QDPR: variants seen among roughly 807,000 people sequenced by gnomAD.
The protein encoded by QDPR is dihydropteridine reductase.
Under a neutral mutation model 31.7 loss-of-function variants are expected in QDPR, and 23 were observed. The ratio of observed to expected loss-of-function variants is 0.73; its 90% confidence interval spans 0.52 to 1.03. QDPR has a LOEUF of 1.03. QDPR is among the 50% of genes least tolerant of loss of function. QDPR has a pLI of 0.00. For synonymous variants in QDPR, 124 were observed against 124.7 expected (o/e 0.99, Z 0.03); for missense variants, 324 against 323.8 (o/e 1.00, Z 0.00).
At chr4:17,488,197 G>C (rs893488819) in intron 6 of QDPR, among the ~76,000 whole-genome samples, 1 of 151,988 alleles carries the variant, frequency 6.6e-6, no homozygotes, top group African/African-American at 2.4e-5. Flanking sequence ...GGAGATCAAG[G>C]CTAGGGTAAG....
chr4:17,511,901 C>T lies in QDPR; in HGVS notation c.105+49G>A, dbSNP rs752531943. 1.0e-4 allele frequency: 159 copies of T among 1,568,934 alleles called. 1 individual carries two copies. Among genetic ancestry groups the T allele is most frequent in the Middle Eastern group, 1.7e-4 (1 of 5,892 alleles). On this transcript the variant is annotated intron_variant, in intron 1 of 6. Transcript: ENST00000281243. ...CCCCCCGCCGGGTTCCACACGAAAG[C>T]CCCCGGCCACCCCCGCGGAGACCCA...
chr4:17,504,565 C>A, intron 2 of QDPR, 90 bp from the exon 3 acceptor site: 1 of 1,070,558 alleles, frequency 9.3e-7, no homozygotes, highest in South Asian at 1.3e-5. Context: ...TTTTTCTCTT[C>A]TTTTTAAGCC....
At chr4:17,511,895 C>T in intron 1 of QDPR, 55 bp downstream of exon 1, 1 of 1,567,054 alleles carries the variant, frequency 6.4e-7, no homozygotes, top group Non-Finnish European at 8.7e-7. Context: ...GGGTTCCACA[C>T]GAAAGCCCCC....
Position 17,509,303 on chromosome 4 carries a change from T to G in QDPR, c.166A>C (p.Met56Leu). Reference sequence around the variant, plus strand: ...GCCTGCTCAGTGAACGAGTCTGTCATTTTAACAATGATGCTAGCGCTGGCC... The same window carrying G: ...GCCTGCTCAGTGAACGAGTCTGTCAGTTTAACAATGATGCTAGCGCTGGCC... Reference protein sequence around the residue: ...EEASASIIVKMTDSFTEQADQ... With the variant: ...EEASASIIVKLTDSFTEQADQ... Residue 56 changes from methionine (M) to leucine (L), a missense_variant, in exon 2 of 7, where the codon ATG becomes CTG. Met to Leu is a conservative substitution (Grantham distance 15, BLOSUM62 2). Transcript: ENST00000281243. The G allele has an allele frequency of 1.2e-6, 2 of 1,614,144 alleles. No homozygotes were observed. The highest frequency in any genetic ancestry group is 1.7e-5 in the Admixed American group (1 of 60,032).
At chr4:17,490,476 G>T in intron 6 of QDPR, 186 bp downstream of exon 6, 1 of 605,430 alleles carries the variant, frequency 1.7e-6, no homozygotes. Flanking sequence ...CCACTGTGCT[G>T]CCTGTCTCCA....
chr4:17,504,273 G>T, intron 3 of QDPR, 106 bp downstream of exon 3: 1 of 893,260 alleles, frequency 1.1e-6, no homozygotes, highest in Non-Finnish European at 1.9e-6. Context: ...AAGATTCCGG[G>T]ATATACACAA....
chr4:17,502,829 C>G (rs1385131170), intron 3 of QDPR, among the ~76,000 whole-genome samples: 1 of 152,212 alleles, frequency 6.6e-6, no homozygotes, highest in African/African-American at 2.4e-5. Context: ...ACTTGGGAAA[C>G]AGGACATTCA....
chr4:17,488,317 A>C (rs1213552669), intron 6 of QDPR, among the ~76,000 whole-genome samples: 1 of 152,206 alleles, frequency 6.6e-6, no homozygotes, highest in East Asian at 1.9e-4. Flanking sequence ...AGAGAGAGAC[A>C]CATGCACAAT....
At position 17,487,255 on chromosome 4, in the gene QDPR, GT is replaced by G. The variant is rs746771741; in HGVS notation, c.630-20del. The G allele has an allele frequency of 5.0e-5, 75 of 1,506,136 alleles. No individual in the cohort carries two copies. Among genetic ancestry groups the G allele is most frequent in the Middle Eastern group, 1.8e-4 (1 of 5,564 alleles). 93.3% of individuals were successfully genotyped at this position (1,506,136 alleles called of 1,614,324 possible). A position where few individuals can be genotyped will look rare whatever the true frequency, so the allele number is the denominator to read the frequency against. On this transcript the variant is annotated intron_variant, in intron 6 of 6. Coordinates refer to ENST00000281243, the MANE Select transcript of QDPR (RefSeq NM_000320.3). ...GAAAGTTCTGGAACAGAAAATAAAA[GT>G]TTTTTTTATATTCTCAAAGCAAAAA... is the stretch of plus-strand genomic sequence containing the variant.
intron 4 of QDPR, among the ~76,000 whole-genome samples, chr4:17,499,677 C>T (rs149809597): frequency 3.9e-5 from 6 of 152,256 alleles, no homozygotes; most frequent in African/African-American, 7.2e-5. Context: ...CTCAGTGCTC[C>T]GGGAGGCCAA....
chr4:17,505,085 T>C (rs2518614), intron 2 of QDPR, among the ~76,000 whole-genome samples: 44,049 of 152,022 alleles, frequency 0.29, 6,959 homozygotes, highest in South Asian at 0.4. Flanking sequence ...TTTTAAAGCA[T>C]TGAAAATATA....
At chr4:17,506,383 A>G (rs2518611) in intron 2 of QDPR, among the ~76,000 whole-genome samples, 149,305 of 152,300 alleles carry the variant, frequency 0.98, 73,246 homozygotes, top group East Asian at 1. Flanking sequence ...CTCCTGCCTC[A>G]GCCTCCTGAA....
chr4:17,496,442 C>CAAAAAAAAAAAAAAAATAAAAAAAAA (rs1718357384), intron 4 of QDPR, among the ~76,000 whole-genome samples: 1 of 64,608 alleles, frequency 1.5e-5, no homozygotes, highest in Non-Finnish European at 2.8e-5. Flanking sequence ...AAAACTGTCT[C>CAAAAAAAAAAAAAAAATAAAAAAAAA]AAAAAAAAAA....
intron 1 of QDPR, among the ~76,000 whole-genome samples, chr4:17,510,903 G>C (rs1346966481): frequency 6.6e-6 from 1 of 152,158 alleles, no homozygotes; most frequent in Non-Finnish European, 1.5e-5. Context: ...GGAGTGGTGT[G>C]ACTGAATTCT....
At chr4:17,493,249 T>C (rs767310985) in intron 4 of QDPR, among the ~76,000 whole-genome samples, 1 of 151,950 alleles carries the variant, frequency 6.6e-6, no homozygotes, top group Non-Finnish European at 1.5e-5. Flanking sequence ...TCCAAGACCA[T>C]CCTGGGCAAC....
chr4:17,494,549 C>T (rs937937380), intron 4 of QDPR, among the ~76,000 whole-genome samples: 3 of 152,192 alleles, frequency 2.0e-5, no homozygotes, highest in Admixed American at 6.5e-5. Context: ...CTGGGAGAGA[C>T]GCTGCTTTGG....
intron 4 of QDPR, among the ~76,000 whole-genome samples, chr4:17,495,901 C>T (rs574537637): frequency 5.3e-4 from 81 of 151,850 alleles, no homozygotes; most frequent in African/African-American, 1.9e-3. Flanking sequence ...CTCAGCTACC[C>T]GGTAGGCTGA....
intron 1 of QDPR, among the ~76,000 whole-genome samples, chr4:17,511,320 T>C (rs1718997866): frequency 6.6e-6 from 1 of 152,196 alleles, no homozygotes; most frequent in African/African-American, 2.4e-5. Flanking sequence ...GAAATAGTCT[T>C]TGCAGAGCAA....
intron 5 of QDPR, 69 bp from the exon 6 acceptor site, chr4:17,490,814 T>C (rs1718137562): frequency 7.5e-7 from 1 of 1,327,246 alleles, no homozygotes; most frequent in Non-Finnish European, 1.1e-6. Context: ...CAGTCCCCCT[T>C]GGCCAGGAAA....
Sources: gnomAD v4.1 joint callset for allele counts (sites outside exome capture counted in the v4.1 genomes callset) on GRCh38, gnomAD v4.1.1 for gene constraint, MANE v1.5 for transcripts, NCBI Gene and HGNC (gene_info 2026-07-23, HGNC 2026-07-21) for gene names.